The following BARD1 variants were observed in gnomAD, a reference collection of about 807,000 sequenced individuals.
BARD1 encodes the protein BRCA1 associated RING domain 1, also known as BRCA1-associated RING domain protein 1.
A neutral mutation model predicts 77.0 loss-of-function variants in BARD1; 73 were observed. The ratio of observed to expected loss-of-function variants is 0.95; its 90% CI spans 0.79 to 1.15. BARD1 has a LOEUF of 1.15. Among genes scored for constraint, BARD1 ranks in the 50% most tolerant of loss-of-function variants. The probability of loss-of-function intolerance (pLI) is 0.00; values close to 1 mark genes in which losing one functional copy is unlikely to be tolerated. For synonymous variants in BARD1, 384 were observed against 338.0 expected, an observed-to-expected ratio of 1.14 and a Z score of -1.49; for missense variants, 993 against 938.8, an observed-to-expected ratio of 1.06 and a Z score of -0.75.
chr2:214,745,699 C>T (rs1368971953), intron 8 of BARD1, 23 bp downstream of exon 8: 1 of 1,613,670 alleles, frequency 6.2e-7, no homozygotes, highest in Admixed American at 1.7e-5. Flanking sequence ...TCTACCCCAC[C>T]TCCCAAAATT....
At position 214,745,842 on chromosome 2, in the gene BARD1, G is replaced by C. The variant is rs587780021; in HGVS notation, c.1690C>G (p.Gln564Glu). Residue 564 changes from glutamine (Q) to glutamate (E), a missense_variant, in exon 8 of 11, where the codon CAG becomes GAG. Coordinates refer to ENST00000260947, the MANE Select transcript of BARD1 (RefSeq NM_000465.4). Reference sequence around the variant, plus strand: ...AGTACAAGAGGTCCATCCCTACGCTGCCCAGTGTTCATCTGTTAATATAAA... The same window carrying C: ...AGTACAAGAGGTCCATCCCTACGCTCCCCAGTGTTCATCTGTTAATATAAA... ...ASHCSVMNTG[Q>E]RRDGPLVLIG... 6.2e-7 allele frequency: 1 copy of C among 1,613,942 alleles called. No homozygotes were observed. Among genetic ancestry groups the C allele is most frequent in the Non-Finnish European group, 8.5e-7 (1 of 1,179,958 alleles).
intron 3 of BARD1, among the ~76,000 whole-genome samples, chr2:214,791,991 TTA>T (rs1483692743): frequency 6.6e-6 from 1 of 151,968 alleles, no homozygotes; most frequent in Non-Finnish European, 1.5e-5. Context: ...GGGTTAGACT[TTA>T]ATTATCTCTA....
intron 1 of BARD1, among the ~76,000 whole-genome samples, chr2:214,797,556 T>A (rs1023519621): frequency 1.3e-5 from 2 of 152,140 alleles, no homozygotes; most frequent in Non-Finnish European, 2.9e-5. Flanking sequence ...AGAAAACTTC[T>A]GAGAGTGAAG....
chr2:214,746,426 T>C (rs970023921), intron 7 of BARD1, among the ~76,000 whole-genome samples: 1 of 152,228 alleles, frequency 6.6e-6, no homozygotes, highest in East Asian at 1.9e-4. Context: ...AAGAAGTCCA[T>C]ATAGCTCACG....
In BARD1 at chr2:214,780,944, A is replaced by G. The variant is rs1182174277; in HGVS notation, c.930T>C (p.Ser310=). The G allele has an allele frequency of 6.2e-7, 1 of 1,613,696 alleles. No homozygotes were observed. The highest frequency in any genetic ancestry group is 8.5e-7 in the Non-Finnish European group (1 of 1,179,876). The change falls in exon 4 of 11, where the codon TCT becomes TCC. Residue 310 remains serine (S), a synonymous_variant. Coordinates refer to ENST00000260947, the MANE Select transcript of BARD1 (RefSeq NM_000465.4). ...TATTTTCTAATGGCAAAGATTTCTT[A>G]GATGTAAGATAATTTTTGCAGACCT... ...PEKVCKNYLT[S]KKSLPLENNG... is the part of the protein sequence containing the mutation.
chr2:214,733,032 C>G (rs1308377774), intron 9 of BARD1, among the ~76,000 whole-genome samples: 1 of 152,112 alleles, frequency 6.6e-6, no homozygotes, highest in Non-Finnish European at 1.5e-5. Context: ...AAATAACTTA[C>G]GAGGTAGAAA....
intron 6 of BARD1, among the ~76,000 whole-genome samples, chr2:214,755,224 T>C (rs918491320): frequency 1.3e-5 from 2 of 152,190 alleles, no homozygotes; most frequent in Non-Finnish European, 2.9e-5. Flanking sequence ...CAGTGATAAA[T>C]ACATTATTCT....
At position 214,728,723 on chromosome 2, in the gene BARD1, A is replaced by C. The variant is rs761586960; in HGVS notation, c.2287T>G (p.Phe763Val). 6.2e-7 allele frequency: 1 copy of C among 1,614,224 alleles called. No individual in the cohort carries two copies. The highest frequency in any genetic ancestry group is 1.1e-5 in the South Asian group (1 of 91,088). ...TCAAAGGACATCACACAGTCTATAAACCAGCTCGAAGGAGCCTTCCAGACT... is the reference window on the plus strand; with the variant it reads ...TCAAAGGACATCACACAGTCTATAACCCAGCTCGAAGGAGCCTTCCAGACT... Reference protein sequence around the residue: ...GKVWKAPSSWFIDCVMSFELL... With the variant: ...GKVWKAPSSWVIDCVMSFELL... Residue 763 changes from phenylalanine to valine, a missense_variant, in exon 11 of 11, where the codon TTT (phenylalanine) becomes GTT (valine). By Grantham distance (50) the Phe-to-Val change is conservative. Coordinates refer to ENST00000260947, the MANE Select transcript of BARD1 (RefSeq NM_000465.4).
intron 2 of BARD1, chr2:214,796,667 T>G: frequency 4.9e-6 from 1 of 206,142 alleles, no homozygotes. Context: ...GCCACCCAGT[T>G]TTTGGTTCTT....
chr2:214,806,491 G>GT (rs776901826), intron 1 of BARD1, among the ~76,000 whole-genome samples: 2 of 152,182 alleles, frequency 1.3e-5, no homozygotes, highest in Non-Finnish European at 2.9e-5. Flanking sequence ...CTTGAGTAAG[G>GT]TGCAGCTGGC....
intron 1 of BARD1, among the ~76,000 whole-genome samples, chr2:214,797,513 C>A (rs773490208): frequency 2.0e-5 from 3 of 152,094 alleles, no homozygotes; most frequent in Admixed American, 6.5e-5. Context: ...GTGTCCCACA[C>A]GTAGAATGAC....
chr2:214,779,273 G>A (rs1411025647), intron 4 of BARD1, among the ~76,000 whole-genome samples: 2 of 152,084 alleles, frequency 1.3e-5, no homozygotes, highest in Non-Finnish European at 2.9e-5. Context: ...CATATAAAAT[G>A]ATGTATTTGC....
intron 4 of BARD1, among the ~76,000 whole-genome samples, chr2:214,776,176 A>C (rs558228497): frequency 6.6e-6 from 1 of 152,268 alleles, no homozygotes; most frequent in South Asian, 2.1e-4. Context: ...CTGTGGCATA[A>C]ATTATGAGTA....
intron 1 of BARD1, among the ~76,000 whole-genome samples, chr2:214,805,895 CAA>C (rs1696248220): frequency 6.6e-6 from 1 of 152,132 alleles, no homozygotes. Context: ...AAAAATATGC[CAA>C]GAGGTACCTA....
At chr2:214,735,701 A>G (rs997417520) in intron 9 of BARD1, among the ~76,000 whole-genome samples, 3 of 152,272 alleles carry the variant, frequency 2.0e-5, no homozygotes, top group Middle Eastern at 3.4e-3. Context: ...ACACAAGATA[A>G]ACCTTGGGTA....
intron 5 of BARD1, among the ~76,000 whole-genome samples, chr2:214,768,792 A>G (rs537139066): frequency 3.3e-5 from 5 of 152,368 alleles, no homozygotes; most frequent in Middle Eastern, 6.8e-3. Flanking sequence ...ACTGCCTTAT[A>G]TATCTACAAT....
At chr2:214,800,059 C>T (rs997285172) in intron 1 of BARD1, among the ~76,000 whole-genome samples, 1 of 152,216 alleles carries the variant, frequency 6.6e-6, no homozygotes, top group African/African-American at 2.4e-5. Flanking sequence ...AGTCCGTAGC[C>T]TTCCGGCTTT....
chr2:214,743,254 T>A (rs1446367), intron 9 of BARD1, among the ~76,000 whole-genome samples: 74,656 of 151,986 alleles, frequency 0.49, 18,519 homozygotes, highest in East Asian at 0.57. Flanking sequence ...AATCAACTTC[T>A]AACTACAGAT....
chr2:214,774,728 G>A (rs1253658131), intron 4 of BARD1, among the ~76,000 whole-genome samples: 2 of 152,120 alleles, frequency 1.3e-5, no homozygotes, highest in Non-Finnish European at 2.9e-5. Flanking sequence ...AGACACAGAT[G>A]GCATATTCTT....
Sources: allele counts gnomAD v4.1 joint callset (sites outside exome capture counted in the v4.1 genomes callset), GRCh38; gene constraint gnomAD v4.1.1; transcripts MANE v1.5; gene names NCBI Gene and HGNC (gene_info 2026-07-23, HGNC 2026-07-21).